The following CHN2 variants were observed in gnomAD, a reference collection of about 807,000 sequenced individuals.
CHN2 encodes the protein chimerin 2.
Under a neutral mutation model 56.3 loss-of-function variants are expected in CHN2, and 35 were observed. The ratio of observed to expected loss-of-function variants is 0.62; its 90% CI spans 0.47 to 0.82. The LOEUF (loss-of-function observed/expected upper bound fraction) is 0.82. Ranked by LOEUF, CHN2 falls within the 40% of genes least tolerant of loss-of-function variation. CHN2 has a pLI of 0.00. For missense variants in CHN2, 491 were observed against 580.5 expected (o/e 0.85, Z 1.58); for synonymous variants, 210 against 212.8 (o/e 0.99, Z 0.12).
chr7:29,464,380 T>A (rs893279606), intron 6 of CHN2, among the ~76,000 whole-genome samples: 14 of 152,164 alleles, frequency 9.2e-5, no homozygotes, highest in African/African-American at 3.4e-4. Flanking sequence ...TGAATTGTAT[T>A]TAATCACCGA....
chr7:29,192,621 A>G (rs537836585), upstream of CHN2: 19 of 152,376 alleles, frequency 1.2e-4, no homozygotes, highest in Non-Finnish European at 2.4e-4. Flanking sequence ...GCAACTTACA[A>G]TCACTTTGGA....
intron 4 of CHN2, chr7:29,397,474 C>A (rs1314302421): frequency 6.6e-6 from 1 of 152,218 alleles, no homozygotes; most frequent in Non-Finnish European, 1.5e-5. Context: ...GGGTGTTACT[C>A]CTTTCCCAGA....
At position 29,429,742 on chromosome 7, in the gene CHN2, G is replaced by A. The variant is rs534474014; in HGVS notation, c.576+28914G>A. Among the ~76,000 whole-genome samples, 292 of 152,186 alleles carry A rather than the reference G, an allele frequency of 1.9e-3. 2 individuals carry two copies. The highest frequency in any genetic ancestry group is 6.8e-3 in the African/African-American group (281 of 41,514). On this transcript the variant is annotated intron_variant, in intron 6 of 12. Coordinates refer to ENST00000222792, the MANE Select transcript of CHN2 (RefSeq NM_004067.4). The stretch of plus-strand genomic sequence containing the variant: ...AGATAAAATTATAAGGTAGAAATTT[G>A]ATTTTTATATTTGTTGTGACTAGAT...
chr7:29,510,386 C>T (rs1008492234), intron 12 of CHN2, among the ~76,000 whole-genome samples: 3 of 151,980 alleles, frequency 2.0e-5, no homozygotes, highest in South Asian at 4.2e-4. Context: ...CTGCAGTGAG[C>T]GAAGATGGCA....
At chr7:29,449,744 A>C (rs1784275641) in intron 6 of CHN2, among the ~76,000 whole-genome samples, 1 of 152,208 alleles carries the variant, frequency 6.6e-6, no homozygotes, top group Non-Finnish European at 1.5e-5. Flanking sequence ...ATTGATGAAC[A>C]GACACTGGGC....
In CHN2 at chr7:29,219,209, C is replaced by T. The variant is rs1047703940; in HGVS notation, c.49+24219C>T. ...TCAAGGTAATGAAAGAAACACTCAC[C>T]GTTTCCCACCACTGTGTAGGAAGCT... On this transcript the variant is annotated intron_variant, in intron 1 of 12. Coordinates refer to ENST00000222792, the MANE Select transcript of CHN2 (RefSeq NM_004067.4). 5.3e-5 allele frequency among the ~76,000 whole-genome samples: 8 copies of T among 152,100 alleles called. No homozygotes were observed. In the East Asian group the frequency reaches 5.8e-4, roughly 11 times the overall value.
intron 2 of CHN2, among the ~76,000 whole-genome samples, chr7:29,151,906 G>A (rs1408695603): frequency 6.6e-6 from 1 of 152,216 alleles, no homozygotes; most frequent in Non-Finnish European, 1.5e-5. Flanking sequence ...TTCACTGGTT[G>A]AAGGAAAGAC....
At chr7:29,287,512 C>T (rs747524898) in intron 1 of CHN2, among the ~76,000 whole-genome samples, 3 of 152,142 alleles carry the variant, frequency 2.0e-5, no homozygotes, top group Non-Finnish European at 4.4e-5. Flanking sequence ...CTCATGGAGT[C>T]TTAGTGAGGG....
intron 1 of CHN2, among the ~76,000 whole-genome samples, chr7:29,297,842 G>A (rs1288959266): frequency 6.6e-6 from 1 of 152,180 alleles, no homozygotes; most frequent in East Asian, 1.9e-4. Flanking sequence ...AGAGGACAGG[G>A]GAGGAGAGAG....
intron 2 of CHN2, among the ~76,000 whole-genome samples, chr7:29,161,330 A>C (rs548257919): frequency 9.9e-5 from 15 of 152,174 alleles, no homozygotes; most frequent in African/African-American, 3.6e-4. Flanking sequence ...CCTATAGCAC[A>C]TCTTTCTCCT....
chr7:29,282,479 G>C (rs990644888), intron 1 of CHN2, among the ~76,000 whole-genome samples: 2 of 152,158 alleles, frequency 1.3e-5, no homozygotes, highest in African/African-American at 4.8e-5. Flanking sequence ...TTGCAAACCA[G>C]GGATGATTCA....
intron 6 of CHN2, among the ~76,000 whole-genome samples, chr7:29,437,087 T>C (rs950817624): frequency 2.0e-5 from 3 of 152,280 alleles, no homozygotes; most frequent in African/African-American, 7.2e-5. Flanking sequence ...TTCCTGCCAA[T>C]GTCTACATCT....
intron 3 of CHN2, among the ~76,000 whole-genome samples, chr7:29,386,947 T>A (rs1800959614): frequency 6.6e-6 from 1 of 152,242 alleles, no homozygotes; most frequent in African/African-American, 2.4e-5. Flanking sequence ...CTGTAAATTT[T>A]GAGAGCCAAC....
intron 1 of CHN2, among the ~76,000 whole-genome samples, chr7:29,288,604 TTTC>T (rs138160722): frequency 0.013 from 1,988 of 152,314 alleles, 53 homozygotes; most frequent in African/African-American, 0.046. Context: ...GGCTTGGCCA[TTTC>T]AGCTGAGAAT....
At chr7:29,159,953 C>T (rs970045371) in intron 2 of CHN2, among the ~76,000 whole-genome samples, 1 of 152,138 alleles carries the variant, frequency 6.6e-6, no homozygotes, top group Non-Finnish European at 1.5e-5. Context: ...TTTGTGTGCC[C>T]ATGGGTGCAC....
chr7:29,229,205 A>G (rs190590253), intron 1 of CHN2, among the ~76,000 whole-genome samples: 1 of 152,350 alleles, frequency 6.6e-6, no homozygotes, highest in African/African-American at 2.4e-5. Flanking sequence ...AGTAGCAGCT[A>G]GAAAAAGGAC....
intron 1 of CHN2, among the ~76,000 whole-genome samples, chr7:29,346,321 CCTG>C (rs1405540203): frequency 1.3e-5 from 2 of 152,204 alleles, no homozygotes; most frequent in African/African-American, 4.8e-5. Flanking sequence ...ACATCCCACT[CCTG>C]CTGTTGTTGT....
intron 1 of CHN2, among the ~76,000 whole-genome samples, chr7:29,277,557 C>A (rs1384535584): frequency 1.3e-5 from 2 of 152,198 alleles, no homozygotes; most frequent in Non-Finnish European, 2.9e-5. Context: ...TCTGGAATGT[C>A]AGCTAGGGCC....
intron 1 of CHN2, among the ~76,000 whole-genome samples, chr7:29,279,778 G>C (rs899328774): frequency 6.6e-6 from 1 of 152,238 alleles, no homozygotes; most frequent in Non-Finnish European, 1.5e-5. Flanking sequence ...CTGGAAGATG[G>C]ATTTGGAAAC....
Sources: gnomAD v4.1 joint callset for allele counts (sites outside exome capture counted in the v4.1 genomes callset) on GRCh38, gnomAD v4.1.1 for gene constraint, MANE v1.5 for transcripts, NCBI Gene and HGNC (gene_info 2026-07-23, HGNC 2026-07-21) for gene names.